Variants in STPG2 observed in about 807,000 individuals in gnomAD.
The protein encoded by STPG2 is sperm-tail PG-rich repeat-containing protein 2.
In STPG2, 56 loss-of-function variants were observed where a neutral mutation model predicts 54.2. That is an observed-to-expected ratio of 1.03 (90% CI 0.83 to 1.29). The LOEUF (loss-of-function observed/expected upper bound fraction) is 1.29. STPG2 is among the 50% of genes most tolerant of loss of function. STPG2 has a pLI of 0.00. For missense variants in STPG2, 596 were observed against 544.9 expected (o/e 1.09, Z -0.93); for synonymous variants, 200 against 181.8 (o/e 1.10, Z -0.81).
chr4:97,778,959 G>C (rs1355748660), intron 9 of STPG2, among the ~76,000 whole-genome samples: 2 of 152,090 alleles, frequency 1.3e-5, no homozygotes, highest in Non-Finnish European at 2.9e-5. Context: ...ATCAAAGGTA[G>C]ATAAAACCAC....
intron 5 of STPG2, among the ~76,000 whole-genome samples, chr4:98,099,765 A>G (rs13139309): frequency 0.4 from 60,119 of 151,940 alleles, 12,134 homozygotes; most frequent in Middle Eastern, 0.46. Context: ...ATGTACCTGC[A>G]AAGTTTAAAA....
chr4:97,725,953 C>A (rs1309347708), intron 9 of STPG2, among the ~76,000 whole-genome samples: 2 of 151,744 alleles, frequency 1.3e-5, no homozygotes, highest in Non-Finnish European at 2.9e-5. Context: ...GCCTTCTGAT[C>A]GTATTGGCAT....
intron 8 of STPG2, among the ~76,000 whole-genome samples, chr4:97,870,079 C>A (rs1729931908): frequency 6.6e-6 from 1 of 151,568 alleles, no homozygotes; most frequent in South Asian, 2.1e-4. Context: ...TCTGATGTGT[C>A]CTATTCAAAT....
chr4:97,625,354 A>C (rs1734112482), intron 10 of STPG2, among the ~76,000 whole-genome samples: 2 of 152,238 alleles, frequency 1.3e-5, no homozygotes, highest in Admixed American at 1.3e-4. Context: ...TCTGTTGCCC[A>C]GGCTGGAGTG....
At chr4:98,039,185 T>C (rs1007265872) in intron 5 of STPG2, among the ~76,000 whole-genome samples, 1 of 151,810 alleles carries the variant, frequency 6.6e-6, no homozygotes, top group East Asian at 1.9e-4. Context: ...TTATTTGTAA[T>C]AGCAAAAAAT....
At chr4:97,938,316 C>G (rs1732826727) in intron 8 of STPG2, among the ~76,000 whole-genome samples, 1 of 152,224 alleles carries the variant, frequency 6.6e-6, no homozygotes, top group Non-Finnish European at 1.5e-5. Context: ...GTGTCTTAAG[C>G]TGCCAGCAGC....
intron 8 of STPG2, among the ~76,000 whole-genome samples, chr4:97,909,757 T>C (rs967261515): frequency 3.3e-5 from 5 of 152,232 alleles, no homozygotes; most frequent in Middle Eastern, 3.4e-3. Flanking sequence ...ATTCCTAATA[T>C]AACACTTGAT....
chr4:97,639,543 A>G (rs1721691479), intron 10 of STPG2, among the ~76,000 whole-genome samples: 1 of 152,112 alleles, frequency 6.6e-6, no homozygotes, highest in Admixed American at 6.5e-5. Flanking sequence ...AAGAACTTCA[A>G]AAGTCTTAAG....
At chr4:97,566,246 C>T (rs990560706) in intron 10 of STPG2, among the ~76,000 whole-genome samples, 11 of 152,190 alleles carry the variant, frequency 7.2e-5, no homozygotes, top group South Asian at 2.1e-4. Flanking sequence ...GAGCCTGGTG[C>T]GGGATATAAT....
chr4:97,909,042 TAA>T (rs890387657), intron 8 of STPG2, among the ~76,000 whole-genome samples: 13 of 147,292 alleles, frequency 8.8e-5, no homozygotes, highest in Admixed American at 2.0e-4. Flanking sequence ...ATAATAATAA[TAA>T]GTTGTGGCAG....
intron 10 of STPG2, among the ~76,000 whole-genome samples, chr4:97,675,561 T>C (rs1403797349): frequency 6.6e-6 from 1 of 152,166 alleles, no homozygotes; most frequent in African/African-American, 2.4e-5. Context: ...TGCCCTGCAC[T>C]GCTTTTAAAA....
intron 10 of STPG2, among the ~76,000 whole-genome samples, chr4:97,708,198 G>A (rs1432880445): frequency 6.6e-6 from 1 of 151,870 alleles, no homozygotes; most frequent in Non-Finnish European, 1.5e-5. Context: ...ATGTGGGAAT[G>A]TTTTTTTAAA....
intron 5 of STPG2, among the ~76,000 whole-genome samples, chr4:98,096,231 C>T (rs1738854348): frequency 6.6e-6 from 1 of 151,846 alleles, no homozygotes; most frequent in South Asian, 2.1e-4. Context: ...TTCGTCTCTA[C>T]AAAAACACAA....
At position 98,114,820 on chromosome 4, in the gene STPG2, C is replaced by T. The variant is rs369876172; in HGVS notation, c.388-5515G>A. Among the ~76,000 whole-genome samples, 27 of 151,376 alleles carry T rather than the reference C, an allele frequency of 1.8e-4. 1 individual carries two copies. Among genetic ancestry groups the T allele is most frequent in the African/African-American group, 6.1e-4 (25 of 41,260 alleles). ...ACAATAATATCCATTTCATTTAAAC[C>T]ACATGAATTGACAAGTACTTAACTC... On this transcript the variant is annotated intron_variant, in intron 3 of 10. Coordinates refer to ENST00000295268, the MANE Select transcript of STPG2 (RefSeq NM_174952.3).
At chr4:98,027,903 C>G (rs1436712780) in intron 5 of STPG2, among the ~76,000 whole-genome samples, 1 of 152,178 alleles carries the variant, frequency 6.6e-6, no homozygotes, top group Non-Finnish European at 1.5e-5. Flanking sequence ...CTGTCCCTTT[C>G]AGTCCAAGCT....
chr4:97,749,482 A>G (rs1433861838), intron 9 of STPG2, among the ~76,000 whole-genome samples: 2 of 151,788 alleles, frequency 1.3e-5, no homozygotes, highest in Non-Finnish European at 2.9e-5. Flanking sequence ...AAACATCTCA[A>G]TCTGAATTAA....
At chr4:97,824,388 T>C (rs957170714) in intron 9 of STPG2, among the ~76,000 whole-genome samples, 6 of 152,142 alleles carry the variant, frequency 3.9e-5, no homozygotes, top group Non-Finnish European at 8.8e-5. Flanking sequence ...ATGGTAAAAA[T>C]CATGGTTTAT....
chr4:97,764,676 G>T (rs1725986804), intron 9 of STPG2, among the ~76,000 whole-genome samples: 1 of 152,068 alleles, frequency 6.6e-6, no homozygotes, highest in South Asian at 2.1e-4. Context: ...GTATATATAT[G>T]TTTAAAAGTT....
chr4:97,585,341 A>G (rs914532409), intron 10 of STPG2, among the ~76,000 whole-genome samples: 3 of 151,960 alleles, frequency 2.0e-5, no homozygotes, highest in African/African-American at 7.2e-5. Context: ...TTAAGCAACC[A>G]GGAAAAAGTT....
Sources: allele counts gnomAD v4.1 joint callset (sites outside exome capture counted in the v4.1 genomes callset), GRCh38; gene constraint gnomAD v4.1.1; transcripts MANE v1.5; gene names NCBI Gene and HGNC (gene_info 2026-07-23, HGNC 2026-07-21).